The following LRRTM1 variants were observed in gnomAD, a reference collection of about 807,000 sequenced individuals.
LRRTM1 encodes the protein leucine rich repeat transmembrane neuronal 1.
Under a neutral mutation model 37.3 loss-of-function variants are expected in LRRTM1, and 8 were observed. The observed-to-expected ratio is 0.21, with a 90% CI of 0.13 to 0.39. The LOEUF (loss-of-function observed/expected upper bound fraction) is 0.39. Ranked by LOEUF, LRRTM1 falls within the 10% of genes least tolerant of loss-of-function variation. The probability of loss-of-function intolerance (pLI) is 1.00; values close to 1 mark genes in which losing one functional copy is unlikely to be tolerated. For synonymous variants in LRRTM1, 326 were observed against 316.8 expected (o/e 1.03, Z -0.31); for missense variants, 557 against 691.0 (o/e 0.81, Z 2.17).
chr2:80,294,452 A>G (rs1170006502), intron 2 of LRRTM1, among the ~76,000 whole-genome samples: 1 of 74,584 alleles, frequency 1.3e-5, no homozygotes, highest in African/African-American at 3.2e-5. Flanking sequence ...GACCCCATGG[A>G]GCCCTGACCC....
intron 2 of LRRTM1, among the ~76,000 whole-genome samples, chr2:80,292,389 C>T (rs1279776517): frequency 6.6e-6 from 1 of 152,078 alleles, no homozygotes; most frequent in Non-Finnish European, 1.5e-5. Context: ...ACACATCCTA[C>T]CATGGTAAGT....
chr2:80,292,150 T>C (rs915566185), intron 2 of LRRTM1, among the ~76,000 whole-genome samples: 1 of 152,194 alleles, frequency 6.6e-6, no homozygotes, highest in Non-Finnish European at 1.5e-5. Context: ...TGTGACCTTG[T>C]TTTGTTCATC....
chr2:80,290,402 A>G (rs927428623), intron 2 of LRRTM1, among the ~76,000 whole-genome samples: 5 of 151,970 alleles, frequency 3.3e-5, no homozygotes, highest in Admixed American at 3.3e-4. Flanking sequence ...TTCCCCAGTG[A>G]TTACCGTGGG....
intron 2 of LRRTM1, among the ~76,000 whole-genome samples, chr2:80,295,466 T>A (rs1675664496): frequency 6.6e-6 from 1 of 152,234 alleles, no homozygotes; most frequent in Non-Finnish European, 1.5e-5. Context: ...TTAACCTATA[T>A]CTGCTCATTA....
At chr2:80,290,861 A>G (rs2149178579) in intron 2 of LRRTM1, among the ~76,000 whole-genome samples, 1 of 152,298 alleles carries the variant, frequency 6.6e-6, no homozygotes, top group South Asian at 2.1e-4. Context: ...AAGGGAGAGT[A>G]GAAAACAAAC....
downstream of LRRTM1, chr2:80,299,656 A>G (rs2149199661): frequency 6.6e-6 from 1 of 152,354 alleles, no homozygotes; most frequent in South Asian, 2.1e-4. Context: ...AGCATAAAAC[A>G]AAGCACGATT....
Position 80,303,873 on chromosome 2 carries a change from A to G in LRRTM1, c.-54T>C. ...GAATGTCCATTGGAAGCGCTCGGTC[A>G]GAAATCTACATCATATTTTATTCCG... is the stretch of plus-strand genomic sequence containing the variant. On this transcript the variant is annotated 5_prime_UTR_variant, in exon 2 of 2. Transcript: ENST00000295057. The surrounding 1 kb of genome is among the most constrained non-coding windows in gnomAD (Gnocchi z 7.7). 1.4e-6 allele frequency: 2 copies of G among 1,475,418 alleles called. No individual in the cohort carries two copies. The highest frequency in any genetic ancestry group is 1.8e-6 in the Non-Finnish European group (2 of 1,111,966). 91.4% of individuals were successfully genotyped at this position (1,475,418 alleles called of 1,614,324 possible). A position where few individuals can be genotyped will look rare whatever the true frequency, so the allele number is the denominator to read the frequency against.
At position 80,303,438 on chromosome 2, in the gene LRRTM1, G is replaced by A. The variant is rs1272717729; in HGVS notation, c.382C>T (p.Leu128=). 6.2e-7 allele frequency: 1 copy of A among 1,614,130 alleles called. No individual in the cohort carries two copies. Among genetic ancestry groups the A allele is most frequent in the Non-Finnish European group, 8.5e-7 (1 of 1,180,052 alleles). The change falls in exon 2 of 2, where the codon CTG becomes TTG. Residue 128 remains leucine (L), a synonymous_variant. Coordinates refer to ENST00000295057, the MANE Select transcript of LRRTM1 (RefSeq NM_178839.5). The surrounding 1 kb of genome is among the most constrained non-coding windows in gnomAD (Gnocchi z 7.7). ...LTLSSNQITQ[L]PNTTFRPMPN... ...ATGGGCCGGAAGGTGGTGTTGGGCA[G>A]TTGGGTGATCTGGTTGGAACTCAGC...
chr2:80,300,279 GGGGTGTGTGTGTGTGTGTGTGTGTGTGT>G (rs200415610), downstream of LRRTM1, among the ~76,000 whole-genome samples: 1 of 127,988 alleles, frequency 7.8e-6, no homozygotes, highest in Non-Finnish European at 1.8e-5. Context: ...CTGGGGTGTT[GGGGTGTGTGTGTGTGTGTGTGTGTGTGT>G]GTGTGTGTGT....
rs762132538 is a variant in LRRTM1 at position 80,303,653 on chromosome 2, T to C, written c.167A>G (p.Asn56Ser). 4 of 1,612,906 alleles carry C rather than the reference T, an allele frequency of 2.5e-6. No homozygotes were observed. The highest frequency in any genetic ancestry group is 1.1e-5 in the South Asian group (1 of 91,022). ...EGRLLYCEALNLTEAPHNLSG... is the reference protein window; with the variant it reads ...EGRLLYCEALSLTEAPHNLSG... ...CAGGTTGTGGGGCGCCTCGGTGAGGTTGAGCGCCTCGCAGTACAGCAGCCG... is the reference window on the plus strand; with the variant it reads ...CAGGTTGTGGGGCGCCTCGGTGAGGCTGAGCGCCTCGCAGTACAGCAGCCG... The change falls in exon 2 of 2, where the codon AAC becomes AGC. Residue 56 changes from asparagine to serine, a missense_variant. This residue lies in a region of LRRTM1 where 140 missense variants were observed against 138.1 expected (regional missense o/e 1.01). Coordinates refer to ENST00000295057, the MANE Select transcript of LRRTM1 (RefSeq NM_178839.5). The surrounding 1 kb of genome is among the most constrained non-coding windows in gnomAD (Gnocchi z 7.7).
chr2:80,293,286 C>A (rs1288323000), intron 2 of LRRTM1, among the ~76,000 whole-genome samples: 3 of 152,186 alleles, frequency 2.0e-5, no homozygotes, highest in African/African-American at 7.2e-5. Context: ...CTGTGTGCTG[C>A]TGAGCCATCT....
In LRRTM1 at chr2:80,304,660, C is replaced by T. The variant is rs1310576988; in HGVS notation, c.-568G>A. 23 of 153,328 alleles carry T rather than the reference C, an allele frequency of 1.5e-4. No individual in the cohort carries two copies. The East Asian group carries it at 4.1e-3, about 27-fold the overall frequency. 9.5% of individuals were successfully genotyped at this position (153,328 alleles called of 1,614,324 possible). On this transcript the variant is annotated 5_prime_UTR_variant, in exon 1 of 2. Coordinates refer to ENST00000295057, the MANE Select transcript of LRRTM1 (RefSeq NM_178839.5). Reference sequence around the variant, plus strand: ...GGCGGTGGGGAGGTGCGGACGGCGGCGCGGGGAGCGGCGAGCGGCGCCCGG... The same window carrying T: ...GGCGGTGGGGAGGTGCGGACGGCGGTGCGGGGAGCGGCGAGCGGCGCCCGG...
At chr2:80,297,354 T>C (rs77556760), downstream of LRRTM1, among the ~76,000 whole-genome samples, 2,546 of 152,292 alleles carry the variant, frequency 0.017, 83 homozygotes, top group African/African-American at 0.058. Flanking sequence ...TTGCACAATG[T>C]ACCTGACTTC....
chr2:80,296,892 C>T (rs1463988147), downstream of LRRTM1, among the ~76,000 whole-genome samples: 14 of 152,140 alleles, frequency 9.2e-5, 1 homozygote, highest in African/African-American at 2.9e-4. Context: ...GGCAAATTTG[C>T]CCCTGGTTGA....
In LRRTM1 at chr2:80,303,009, T is replaced by G. The variant is rs1676507073; in HGVS notation, c.811A>C (p.Met271Leu). 1 of 1,613,502 alleles carries G rather than the reference T, an allele frequency of 6.2e-7. No homozygotes were observed. The highest frequency in any genetic ancestry group is 1.7e-5 in the Admixed American group (1 of 59,942). Residue 271 changes from methionine to leucine, a missense_variant, in exon 2 of 2, where the codon ATG becomes CTG. Met to Leu is a conservative substitution (Grantham distance 15). Around this residue, in one of 5 missense-constraint regions of LRRTM1, gnomAD observed 200 missense variants for 249.9 expected, o/e 0.80. Coordinates refer to ENST00000295057, the MANE Select transcript of LRRTM1 (RefSeq NM_178839.5). The surrounding 1 kb of genome is among the most constrained non-coding windows in gnomAD (Gnocchi z 7.7). ...ACGGTCTCGAACACATGGGGCTCCATGTACTCGATCTCGTTGCCCGACAAG... is the reference window on the plus strand; with the variant it reads ...ACGGTCTCGAACACATGGGGCTCCAGGTACTCGATCTCGTTGCCCGACAAG... ...MDLSGNEIEY[M>L]EPHVFETVPH...
At position 80,303,743 on chromosome 2, in the gene LRRTM1, C is replaced by T. The variant is rs199639659; in HGVS notation, c.77G>A (p.Gly26Glu). 616 of 1,596,762 alleles carry T rather than the reference C, an allele frequency of 3.9e-4. 2 individuals carry two copies. The highest frequency in any genetic ancestry group is 2.5e-3 in the African/African-American group (189 of 74,660). ...GGCGGGCAGCATCTGAAAGCAGGCC[C>T]CCAGCAGACACAAGACCACCCCCGA... ...RPSGVVLCLL[G>E]ACFQMLPAAP... Residue 26 changes from glycine to glutamate, a missense_variant, in exon 2 of 2, where the codon GGG (glycine) becomes GAG (glutamate). Gly to Glu is a moderately conservative substitution (Grantham distance 98). Around this residue, in one of 5 missense-constraint regions of LRRTM1, gnomAD observed 140 missense variants for 138.1 expected, o/e 1.01. Coordinates refer to ENST00000295057, the MANE Select transcript of LRRTM1 (RefSeq NM_178839.5). The surrounding 1 kb of genome is among the most constrained non-coding windows in gnomAD (Gnocchi z 7.7).
At chr2:80,292,943 C>CA (rs1456257709) in intron 2 of LRRTM1, among the ~76,000 whole-genome samples, 1 of 151,722 alleles carries the variant, frequency 6.6e-6, no homozygotes. Context: ...AAATAATATG[C>CA]AAAAAAGATC....
In LRRTM1 at chr2:80,304,601, C is replaced by T. The variant is rs1676723797; in HGVS notation, c.-509G>A. ...CGGGCAGCTGCAGAGAGCGGGCTCACTCATGCTTTGCGGGCGGCGGGCGGC... is the reference window on the plus strand; with the variant it reads ...CGGGCAGCTGCAGAGAGCGGGCTCATTCATGCTTTGCGGGCGGCGGGCGGC... On this transcript the variant is annotated 5_prime_UTR_variant, in exon 1 of 2. In the 5' UTR this introduces an upstream ATG that the reference lacks. Transcript: ENST00000295057. 1 of 152,716 alleles carries T rather than the reference C, an allele frequency of 6.5e-6. No homozygotes were observed. The highest frequency in any genetic ancestry group is 1.5e-5 in the Non-Finnish European group (1 of 68,022). 9.5% of individuals were successfully genotyped at this position (152,716 alleles called of 1,614,324 possible).
chr2:80,303,544 C>A lies in LRRTM1; in HGVS notation c.276G>T (p.Thr92=), dbSNP rs370151178. The A allele has an allele frequency of 6.2e-7, 1 of 1,614,248 alleles. No homozygotes were observed. The highest frequency in any genetic ancestry group is 8.5e-7 in the Non-Finnish European group (1 of 1,180,050). Residue 92 remains threonine, a synonymous_variant, in exon 2 of 2, where the codon ACG becomes ACT. Coordinates refer to ENST00000295057, the MANE Select transcript of LRRTM1 (RefSeq NM_178839.5). This position sits in a 1 kb window ranked among gnomAD's most constrained non-coding sequence, Gnocchi z 7.7. ...AGQFTGLMQL[T]WLYLDHNHIC... is the part of the protein sequence containing the mutation. ...TGTGATTGTGATCCAGATAGAGCCA[C>A]GTGAGCTGCATTAACCCCGTGAACT...
Sources: allele counts gnomAD v4.1 joint callset (sites outside exome capture counted in the v4.1 genomes callset), GRCh38; gene constraint gnomAD v4.1.1; regional missense constraint gnomAD v4.1.1; non-coding constraint Gnocchi (gnomAD v3.1); transcripts MANE v1.5; gene names NCBI Gene and HGNC (gene_info 2026-07-23, HGNC 2026-07-21).